TYW1: variants seen among roughly 807,000 people sequenced by gnomAD.
TYW1 encodes S-adenosyl-L-methionine-dependent tRNA 4-demethylwyosine synthase TYW1.
TYW1 carries 46 observed loss-of-function variants against 96.2 expected under a neutral mutation model. That is an observed-to-expected ratio of 0.48 (90% CI 0.38 to 0.61). The LOEUF (loss-of-function observed/expected upper bound fraction) is 0.61, where lower values mean the gene tolerates loss of function less well. Among genes scored for constraint, TYW1 ranks in the 20% least tolerant of loss-of-function variants. The pLI, the probability that TYW1 is intolerant of heterozygous loss-of-function variation, is 0.00. For missense variants in TYW1, 684 were observed against 909.6 expected (o/e 0.75, Z 3.19); for synonymous variants, 274 against 323.0 (o/e 0.85, Z 1.63).
chr7:67,133,614 CAAAAAAA>C (rs1224801455), intron 13 of TYW1, among the ~76,000 whole-genome samples: 1 of 56,864 alleles, frequency 1.8e-5, no homozygotes, highest in Non-Finnish European at 3.5e-5. Context: ...GTTTCCATCT[CAAAAAAA>C]AAAAAAAAGA....
chr7:67,231,834 A>AG (rs1801758276), intron 15 of TYW1, among the ~76,000 whole-genome samples: 2 of 142,444 alleles, frequency 1.4e-5, no homozygotes, highest in African/African-American at 5.4e-5. Flanking sequence ...ATTTCAATGA[A>AG]TATATCCTCT....
intron 12 of TYW1, among the ~76,000 whole-genome samples, chr7:67,108,821 A>G (rs191337621): frequency 0.014 from 2,120 of 152,226 alleles, 19 homozygotes; most frequent in Non-Finnish European, 0.023. Context: ...CATTATAGAC[A>G]TTTCAAAACA....
chr7:67,067,117 C>G (rs1489305551), intron 9 of TYW1, 168 bp from the exon 10 acceptor site: 3 of 726,554 alleles, frequency 4.1e-6, no homozygotes, highest in Non-Finnish European at 6.8e-6. Flanking sequence ...ACCCAAAGCA[C>G]TGCCAAAACA....
intron 7 of TYW1, among the ~76,000 whole-genome samples, chr7:67,028,401 G>C (rs1341178009): frequency 6.6e-6 from 1 of 151,992 alleles, no homozygotes; most frequent in Non-Finnish European, 1.5e-5. Context: ...TGCAAAATTA[G>C]CTGGGTGTGG....
At chr7:67,154,576 C>T (rs1798906344) in intron 13 of TYW1, among the ~76,000 whole-genome samples, 1 of 151,946 alleles carries the variant, frequency 6.6e-6, no homozygotes, top group African/African-American at 2.4e-5. Flanking sequence ...AATGGAGATT[C>T]CCTTATATAT....
At chr7:67,046,696 A>G (rs1189767185) in intron 7 of TYW1, among the ~76,000 whole-genome samples, 3 of 152,230 alleles carry the variant, frequency 2.0e-5, no homozygotes, top group Non-Finnish European at 4.4e-5. Flanking sequence ...GCGGAGTGTT[A>G]TAAACCATTA....
intron 13 of TYW1, 122 bp from the exon 14 acceptor site, chr7:67,183,004 A>G: frequency 1.5e-6 from 1 of 668,286 alleles, no homozygotes; most frequent in South Asian, 2.8e-5. Context: ...TCAGTTTACA[A>G]AAGTTCATGA....
At chr7:67,217,224 C>G (rs1356342534) in intron 15 of TYW1, among the ~76,000 whole-genome samples, 1 of 152,064 alleles carries the variant, frequency 6.6e-6, no homozygotes, top group African/African-American at 2.4e-5. Context: ...TGCCTTTTTA[C>G]TCTGTTGATA....
chr7:67,014,531 A>G lies in TYW1; in HGVS notation c.540A>G (p.Gly180=). ...KGMRYAVFGL[G]NSAYASHFNK... ...TGAGATATGCGGTATTTGGCCTGGG[A>G]AATTCTGCCTATGCTAGCCACTTCA... The change falls in exon 5 of 16, where the codon GGA becomes GGG. Residue 180 remains glycine, a synonymous_variant. Transcript: ENST00000359626. 6.2e-7 allele frequency: 1 copy of G among 1,613,376 alleles called. No homozygotes were observed. The highest frequency in any genetic ancestry group is 1.7e-5 in the Admixed American group (1 of 59,838).
At chr7:67,106,584 G>A (rs1329086694) in intron 12 of TYW1, among the ~76,000 whole-genome samples, 1 of 152,130 alleles carries the variant, frequency 6.6e-6, no homozygotes, top group Non-Finnish European at 1.5e-5. Context: ...GAACTGGTTT[G>A]TTCTTATCTT....
chr7:67,036,328 C>T (rs1055507306), intron 7 of TYW1, among the ~76,000 whole-genome samples: 11 of 152,032 alleles, frequency 7.2e-5, no homozygotes, highest in African/African-American at 1.9e-4. Flanking sequence ...TGTTTACAGA[C>T]GTTCCATAGC....
chr7:67,012,245 G>A (rs144474525), intron 4 of TYW1, among the ~76,000 whole-genome samples: 3,284 of 152,140 alleles, frequency 0.022, 110 homozygotes, highest in African/African-American at 0.074. Flanking sequence ...CTACTTGGGA[G>A]GCTGAGGCAT....
intron 15 of TYW1, among the ~76,000 whole-genome samples, chr7:67,207,524 C>G (rs1800844758): frequency 1.3e-5 from 2 of 152,138 alleles, no homozygotes; most frequent in Non-Finnish European, 2.9e-5. Context: ...GAAACTGATG[C>G]CATCCATGCT....
intron 13 of TYW1, among the ~76,000 whole-genome samples, chr7:67,128,207 C>T (rs531594086): frequency 7.2e-5 from 11 of 152,302 alleles, no homozygotes; most frequent in African/African-American, 2.4e-4. Flanking sequence ...TATCCCACAG[C>T]TCCTGAATAT....
rs199662837 is a variant in TYW1 at position 67,018,012 on chromosome 7, C to G, written c.730C>G (p.Gln244Glu). 4 of 1,614,006 alleles carry G rather than the reference C, an allele frequency of 2.5e-6. No homozygotes were observed. The highest frequency in any genetic ancestry group is 1.3e-5 in the African/African-American group (1 of 74,990). ...GTTCATCTCCCAGCTGCAGGCACTT[C>G]AGAAAGGGGAGAGAAAGAAGTCCTG... ...TKFISQLQAL[Q>E]KGERKKSCGG... Residue 244 changes from glutamine (Q) to glutamate (E), a missense_variant, in exon 6 of 16, where the codon CAG (glutamine) becomes GAG (glutamate). Physicochemically the swap from Gln to Glu is conservative, Grantham distance 29. Transcript: ENST00000359626.
At chr7:67,023,992 G>A (rs1347592351) in intron 6 of TYW1, among the ~76,000 whole-genome samples, 1 of 152,042 alleles carries the variant, frequency 6.6e-6, no homozygotes, top group Non-Finnish European at 1.5e-5. Flanking sequence ...TGTTGGGGAC[G>A]TAGTAGATAC....
intron 7 of TYW1, among the ~76,000 whole-genome samples, chr7:67,046,605 G>A (rs1446148360): frequency 6.6e-6 from 1 of 152,182 alleles, no homozygotes; most frequent in Non-Finnish European, 1.5e-5. Context: ...TTGTTATATT[G>A]TTACATTCTG....
chr7:67,199,739 CCT>C (rs532327797), intron 15 of TYW1, among the ~76,000 whole-genome samples: 1 of 152,106 alleles, frequency 6.6e-6, no homozygotes, highest in African/African-American at 2.4e-5. Context: ...ACTCCCTGTT[CCT>C]CTCTCTCTGT....
intron 7 of TYW1, among the ~76,000 whole-genome samples, chr7:67,029,581 C>T (rs1794605817): frequency 1.3e-5 from 2 of 151,788 alleles, no homozygotes; most frequent in Non-Finnish European, 2.9e-5. Context: ...GGGCAGAGTC[C>T]TATAGAAGAC....
Sources: allele counts gnomAD v4.1 joint callset (sites outside exome capture counted in the v4.1 genomes callset), GRCh38; gene constraint gnomAD v4.1.1; transcripts MANE v1.5; gene names NCBI Gene and HGNC (gene_info 2026-07-23, HGNC 2026-07-21).